MYO3A: variants seen among roughly 807,000 people sequenced by gnomAD.
MYO3A encodes myosin-IIIa.
Under a neutral mutation model 192.7 loss-of-function variants are expected in MYO3A, and 180 were observed. The ratio of observed to expected loss-of-function variants is 0.93; its 90% CI spans 0.83 to 1.06. The LOEUF is 1.06. Ranked by LOEUF, MYO3A falls within the 50% of genes least tolerant of loss-of-function variation. MYO3A has a pLI of 0.00. For missense variants in MYO3A, 1,896 were observed against 1,905.0 expected, an observed-to-expected ratio of 1.00 and a Z score of 0.09; for synonymous variants, 628 against 645.3, an observed-to-expected ratio of 0.97 and a Z score of 0.41.
chr10:26,086,176 C>T (rs772948144), intron 14 of MYO3A, among the ~76,000 whole-genome samples: 6 of 151,960 alleles, frequency 3.9e-5, no homozygotes, highest in African/African-American at 1.5e-4. Context: ...AACTTACAAT[C>T]GTGGGCAGAA....
At chr10:26,154,885 G>T in intron 25 of MYO3A, 62 bp downstream of exon 25, 1 of 1,376,168 alleles carries the variant, frequency 7.3e-7, no homozygotes, top group African/African-American at 1.4e-5. Context: ...ATGAGTTACA[G>T]ATCAAAAGCC....
intron 6 of MYO3A, among the ~76,000 whole-genome samples, chr10:26,009,301 A>G (rs542090086): frequency 6.4e-4 from 98 of 152,300 alleles, no homozygotes; most frequent in African/African-American, 1.8e-3. Context: ...TGGGTGCAGC[A>G]CACCAGCACC....
intron 14 of MYO3A, among the ~76,000 whole-genome samples, chr10:26,081,546 C>T (rs569256496): frequency 6.6e-6 from 1 of 152,270 alleles, no homozygotes; most frequent in South Asian, 2.1e-4. Flanking sequence ...GTCTGCACAC[C>T]AGATTGGCAC....
At chr10:26,082,928 TG>T (rs1836059723) in intron 14 of MYO3A, among the ~76,000 whole-genome samples, 2 of 152,210 alleles carry the variant, frequency 1.3e-5, no homozygotes, top group African/African-American at 4.8e-5. Flanking sequence ...TAATCTTAAC[TG>T]AGTACTGATC....
At chr10:26,138,732 C>G (rs932086685) in intron 20 of MYO3A, among the ~76,000 whole-genome samples, 11 of 152,176 alleles carry the variant, frequency 7.2e-5, no homozygotes, top group African/African-American at 2.7e-4. Flanking sequence ...CTACAGAAAC[C>G]ATAGCTGATG....
chr10:25,975,116 C>T (rs532065212), intron 4 of MYO3A, among the ~76,000 whole-genome samples: 16 of 152,000 alleles, frequency 1.1e-4, no homozygotes, highest in African/African-American at 2.2e-4. Context: ...GGCATGTGCA[C>T]GCACAGTAGG....
rs886043667 is a variant in MYO3A, at chr10:26,021,610, T to C, written c.693T>C (p.Ala231=). The C allele has an allele frequency of 2.5e-6, 4 of 1,614,030 alleles. No individual in the cohort carries two copies. In the African/African-American group the frequency reaches 5.3e-5, roughly 22 times the overall value. The change falls in exon 8 of 35, where the codon GCT becomes GCC. Residue 231 remains alanine (A), a synonymous_variant. Transcript: ENST00000642920. ...IELGDGDPPL[A]DLHPMRALFK... is the part of the protein sequence containing the mutation. The stretch of plus-strand genomic sequence containing the variant: ...TGGGTGATGGAGATCCTCCACTAGC[T>C]GACCTTCATCCCATGAGAGCACTCT...
chr10:25,953,307 C>A (rs1268221369), intron 3 of MYO3A, among the ~76,000 whole-genome samples: 1 of 151,736 alleles, frequency 6.6e-6, no homozygotes, highest in Non-Finnish European at 1.5e-5. Flanking sequence ...TAGTTTATTT[C>A]TGCTAAACCC....
At chr10:25,961,062 A>G (rs1018294572) in intron 4 of MYO3A, among the ~76,000 whole-genome samples, 1 of 152,340 alleles carries the variant, frequency 6.6e-6, no homozygotes, top group Non-Finnish European at 1.5e-5. Flanking sequence ...ATATTTGAGA[A>G]GTACTGCTGT....
At chr10:26,127,194 C>T (rs754079470) in intron 19 of MYO3A, among the ~76,000 whole-genome samples, 1 of 152,060 alleles carries the variant, frequency 6.6e-6, no homozygotes, top group African/African-American at 2.4e-5. Flanking sequence ...TATATGCCCA[C>T]GAAAATATTG....
intron 4 of MYO3A, among the ~76,000 whole-genome samples, chr10:25,989,066 A>G (rs912748806): frequency 6.6e-6 from 1 of 150,684 alleles, no homozygotes; most frequent in Non-Finnish European, 1.5e-5. Flanking sequence ...TCAGCCTACC[A>G]AGTAGCTGAA....
At position 26,014,193 on chromosome 10, in the gene MYO3A, TGGGTGC is replaced by T. The variant is rs570013803; in HGVS notation, c.509-2626_509-2621del. 3.1e-3 allele frequency among the ~76,000 whole-genome samples: 477 copies of T among 152,176 alleles called. 4 individuals are homozygous for T. The highest frequency in any genetic ancestry group is 5.6e-3 in the Non-Finnish European group (383 of 67,962). ...GGTACAGCATACGCCACTAGGGTAA[TGGGTGC>T]ACTAAAGTCTCAGAATCTACCACTG... On this transcript the variant is annotated intron_variant, in intron 6 of 34. Coordinates refer to ENST00000642920, the MANE Select transcript of MYO3A (RefSeq NM_017433.5).
At chr10:26,044,645 C>G (rs967394835) in intron 10 of MYO3A, among the ~76,000 whole-genome samples, 1 of 152,040 alleles carries the variant, frequency 6.6e-6, no homozygotes, top group Non-Finnish European at 1.5e-5. Flanking sequence ...CTAATTTGAC[C>G]CAGTAGCAAA....
intron 31 of MYO3A, among the ~76,000 whole-genome samples, chr10:26,188,253 C>A (rs1238338379): frequency 1.3e-5 from 2 of 152,186 alleles, no homozygotes; most frequent in African/African-American, 2.4e-5. Context: ...TGATGATGAG[C>A]ATTTTTTCAT....
rs759218900 is a variant in MYO3A at position 25,954,963 on chromosome 10, T to C, written c.258T>C (p.Phe86=). Residue 86 remains phenylalanine (F), a synonymous_variant, in exon 4 of 35, where the codon TTT becomes TTC. Transcript: ENST00000642920. The part of the protein sequence containing the change: ...PNVVRFYGIY[F]KKDKVNGDKL... ...TGGTCAGATTCTATGGGATATACTT[T>C]AAGAAGGATAAAGTAAATGGAGACA... The C allele has an allele frequency of 6.2e-6, 10 of 1,613,132 alleles. No individual in the cohort carries two copies. Among genetic ancestry groups the C allele is most frequent in the East Asian group, 4.5e-5 (2 of 44,796 alleles).
intron 31 of MYO3A, among the ~76,000 whole-genome samples, chr10:26,189,896 C>G (rs1298297050): frequency 1.3e-5 from 2 of 151,988 alleles, no homozygotes; most frequent in Non-Finnish European, 2.9e-5. Context: ...AACCCCATCT[C>G]TACTAAAAAT....
chr10:26,096,674 A>G lies in MYO3A; in HGVS notation c.1768A>G (p.Thr590Ala). The G allele has an allele frequency of 6.4e-7, 1 of 1,562,978 alleles. No homozygotes were observed. Among genetic ancestry groups the G allele is most frequent in the South Asian group, 1.1e-5 (1 of 90,036 alleles). ...GCAATGTTTCAAAGTCATAGGTTTT[A>G]CAATGGAGGTAAGTATGAAAGACAC... ...IEQCFKVIGF[T>A]MEQLGSIYSI... The change falls in exon 17 of 35, where the codon ACA becomes GCA. Residue 590 changes from threonine to alanine, a missense_variant. Physicochemically the swap from Thr to Ala is moderately conservative, Grantham distance 58 (BLOSUM62 0). Coordinates refer to ENST00000642920, the MANE Select transcript of MYO3A (RefSeq NM_017433.5).
At chr10:25,951,125 C>A (rs1837185445) in intron 2 of MYO3A, among the ~76,000 whole-genome samples, 1 of 151,968 alleles carries the variant, frequency 6.6e-6, no homozygotes, top group Admixed American at 6.6e-5. Context: ...ATTGGACATA[C>A]AGTAATGATA....
Position 26,173,735 on chromosome 10 carries a change from TAAAG to T in MYO3A, c.3472_3475del (p.Lys1158GlufsTer5). 1.9e-6 allele frequency: 3 copies of T among 1,613,906 alleles called. No individual in the cohort carries two copies. Among genetic ancestry groups the T allele is most frequent in the Non-Finnish European group, 2.5e-6 (3 of 1,179,916 alleles). The stretch of plus-strand genomic sequence containing the variant: ...AAAGATTCATTTCAGCTCCAAATAA[TAAAG>T]GAAGTGTATCTGTAGTGAAGACTTC... On this transcript the variant is annotated frameshift_variant, in exon 30 of 35. Coordinates refer to ENST00000642920, the MANE Select transcript of MYO3A (RefSeq NM_017433.5). LOFTEE classifies it high-confidence loss of function.
Sources: allele counts gnomAD v4.1 joint callset (sites outside exome capture counted in the v4.1 genomes callset), GRCh38; gene constraint gnomAD v4.1.1; transcripts MANE v1.5; gene names NCBI Gene and HGNC (gene_info 2026-07-23, HGNC 2026-07-21).